STAM: variants seen among roughly 807,000 people sequenced by gnomAD.
STAM encodes the protein signal transducing adaptor molecule.
Under a neutral mutation model 63.4 loss-of-function variants are expected in STAM, and 16 were observed. The observed-to-expected ratio is 0.25, with a 90% CI of 0.17 to 0.38. STAM has a LOEUF of 0.38. Ranked by LOEUF, STAM falls within the 10% of genes least tolerant of loss-of-function variation. The pLI is 1.00. For missense variants in STAM, 636 were observed against 657.1 expected (o/e 0.97, Z 0.35); for synonymous variants, 238 against 223.9 (o/e 1.06, Z -0.56).
chr10:17,676,121 T>A (rs1834845596), intron 2 of STAM, among the ~76,000 whole-genome samples: 1 of 152,236 alleles, frequency 6.6e-6, no homozygotes, highest in African/African-American at 2.4e-5. Flanking sequence ...TAGAAAGGTC[T>A]ATTGCAAAAG....
chr10:17,669,070 C>T (rs1024316637), intron 2 of STAM, among the ~76,000 whole-genome samples: 9 of 152,170 alleles, frequency 5.9e-5, no homozygotes, highest in African/African-American at 2.2e-4. Context: ...TTGTTTTTTA[C>T]ATTCAAGTCT....
intron 5 of STAM, among the ~76,000 whole-genome samples, chr10:17,691,334 T>G (rs1554826765): frequency 6.6e-6 from 1 of 152,042 alleles, no homozygotes; most frequent in Non-Finnish European, 1.5e-5. Flanking sequence ...CTGGCTAACA[T>G]GGTGAAAACC....
chr10:17,672,486 A>G (rs1184945777), intron 2 of STAM, among the ~76,000 whole-genome samples: 5 of 152,090 alleles, frequency 3.3e-5, no homozygotes, highest in African/African-American at 1.2e-4. Context: ...GTGCCTGCCA[A>G]TTCATTTAGT....
chr10:17,703,435 A>G (rs1448080760), intron 9 of STAM, among the ~76,000 whole-genome samples: 1 of 152,010 alleles, frequency 6.6e-6, no homozygotes, highest in Non-Finnish European at 1.5e-5. Flanking sequence ...TAAATTTTAA[A>G]TAATTACTTT....
Position 17,714,964 on chromosome 10 carries a change from C to CCA in STAM, c.*185_*186insAC. 1 of 603,920 alleles carries CCA rather than the reference C, an allele frequency of 1.7e-6. No homozygotes were observed. Among genetic ancestry groups the CCA allele is most frequent in the African/African-American group, 1.9e-5 (1 of 53,132 alleles). The allele number at this position is 603,920 out of a possible 1,614,324, so 37.4% of individuals were successfully genotyped here. A position where few individuals can be genotyped will look rare whatever the true frequency, so the allele number is the denominator to read the frequency against. On this transcript the variant is annotated 3_prime_UTR_variant, in exon 14 of 14. Transcript: ENST00000377524. ...ACTGACTTTTTAGAGGTTCTTCCCCCCCCGCCCCTGCAGAGGAATGAAACT... is the reference window on the plus strand; with the variant it reads ...ACTGACTTTTTAGAGGTTCTTCCCCCCACCCGCCCCTGCAGAGGAATGAAACT...
chr10:17,687,714 C>T (rs960069752), intron 4 of STAM, among the ~76,000 whole-genome samples: 1 of 152,038 alleles, frequency 6.6e-6, no homozygotes. Context: ...TATTGCTTTG[C>T]AAAAAGCAGA....
At position 17,657,471 on chromosome 10, in the gene STAM, G is replaced by T. The variant is rs151074076; in HGVS notation, c.41-2993G>T. ...TGGTTTTGGTATCAGAGTAATGCTG[G>T]CCTCACAGAATGAGTTAGGAAGTAT... On this transcript the variant is annotated intron_variant, in intron 1 of 13. Transcript: ENST00000377524. 6.2e-4 allele frequency among the ~76,000 whole-genome samples: 95 copies of T among 152,260 alleles called. No individual in the cohort carries two copies. In the East Asian group the frequency reaches 0.017, roughly 27 times the overall value.
intron 12 of STAM, among the ~76,000 whole-genome samples, chr10:17,708,120 G>A (rs1178652872): frequency 6.6e-6 from 1 of 152,150 alleles, no homozygotes; most frequent in Non-Finnish European, 1.5e-5. Context: ...TCGATCTCCT[G>A]ACCTCGTGAT....
In STAM at chr10:17,714,570, C is replaced by T; in HGVS notation, c.1413C>T (p.Asn471=). The change falls in exon 14 of 14, where the codon AAC becomes AAT. Residue 471 remains asparagine, a synonymous_variant. Transcript: ENST00000377524. ...CAATGGTCAGTTCCGTTCAAGGAAA[C>T]ACATATCCCAGCCAGGCGCCAGTAT... ...PNTMVSSVQG[N]TYPSQAPVYS... The T allele has an allele frequency of 6.2e-7, 1 of 1,614,144 alleles. No homozygotes were observed.
intron 1 of STAM, among the ~76,000 whole-genome samples, chr10:17,651,564 C>G (rs192409790): frequency 2.2e-3 from 335 of 152,282 alleles, no homozygotes; most frequent in Middle Eastern, 6.8e-3. Context: ...TACCTCTCCT[C>G]TAAGCTGTTT....
chr10:17,685,426 C>G (rs997220519), intron 4 of STAM, among the ~76,000 whole-genome samples: 1 of 152,098 alleles, frequency 6.6e-6, no homozygotes, highest in Non-Finnish European at 1.5e-5. Context: ...GGGGGAGTTT[C>G]CACAAGGGAC....
At chr10:17,656,314 A>AT (rs1390446751) in intron 1 of STAM, among the ~76,000 whole-genome samples, 1 of 149,332 alleles carries the variant, frequency 6.7e-6, no homozygotes, top group Non-Finnish European at 1.5e-5. Context: ...AAAAAAAAAA[A>AT]GATAGTTTCA....
intron 4 of STAM, among the ~76,000 whole-genome samples, chr10:17,685,448 G>C (rs781904114): frequency 1.3e-5 from 2 of 152,172 alleles, no homozygotes; most frequent in Admixed American, 6.5e-5. Flanking sequence ...GCCCCAAACT[G>C]TTCCAGATAG....
At position 17,664,889 on chromosome 10, in the gene STAM, A is replaced by G. The variant is rs533262558; in HGVS notation, c.125+4341A>G. ...GAGATGGTGGAAGGACTTTAGGAGG[A>G]GCATTTCACTTTCAGTAATATTGTA... On this transcript the variant is annotated intron_variant, in intron 2 of 13. Transcript: ENST00000377524. Among the ~76,000 whole-genome samples the G allele has an allele frequency of 4.7e-4, 72 of 152,238 alleles. 1 individual carries two copies. In the South Asian group the frequency reaches 0.014, roughly 31 times the overall value.
chr10:17,644,908 G>A, intron 1 of STAM, among the ~76,000 whole-genome samples: 1 of 152,194 alleles, frequency 6.6e-6, no homozygotes, highest in Non-Finnish European at 1.5e-5. Flanking sequence ...GAGCGATGAA[G>A]ATGAAATACT....
chr10:17,704,084 G>A (rs1836143155), intron 9 of STAM, among the ~76,000 whole-genome samples: 1 of 152,190 alleles, frequency 6.6e-6, no homozygotes, highest in Non-Finnish European at 1.5e-5. Context: ...TCTGTTAGCA[G>A]TTGGTTGGTT....
rs367804747 is a variant in STAM, at chr10:17,683,524, AT to A, written c.126-1143del. ...TGGTGGCTCTGTGTTAAATTTTTTCATTTTTTTTCTCTCTGTACTTCAGTTT... is the reference window on the plus strand; with the variant it reads ...TGGTGGCTCTGTGTTAAATTTTTTCATTTTTTTCTCTCTGTACTTCAGTTT... On this transcript the variant is annotated intron_variant, in intron 2 of 13. Coordinates refer to ENST00000377524, the MANE Select transcript of STAM (RefSeq NM_003473.4). 5.0e-3 allele frequency among the ~76,000 whole-genome samples: 749 copies of A among 151,136 alleles called. 3 individuals are homozygous for A. The highest frequency in any genetic ancestry group is 0.017 in the African/African-American group (717 of 41,124).
At chr10:17,700,428 C>A in intron 9 of STAM, 149 bp downstream of exon 9, 3 of 541,204 alleles carry the variant, frequency 5.5e-6, no homozygotes, top group Non-Finnish European at 9.5e-6. Context: ...ACGATGCAGA[C>A]TGTTTTTTGA....
At chr10:17,706,395 T>TC (rs71507230) in intron 12 of STAM, among the ~76,000 whole-genome samples, 1 of 134,116 alleles carries the variant, frequency 7.5e-6, no homozygotes, top group African/African-American at 2.8e-5. Context: ...TTTTTTTTTT[T>TC]TGAGGCGGAG....
Sources: allele counts gnomAD v4.1 joint callset (sites outside exome capture counted in the v4.1 genomes callset), GRCh38; gene constraint gnomAD v4.1.1; transcripts MANE v1.5; gene names NCBI Gene and HGNC (gene_info 2026-07-23, HGNC 2026-07-21).